The following WDR1 variants were observed in gnomAD, a reference collection of about 807,000 sequenced individuals.
WDR1 encodes the protein WD repeat-containing protein 1.
WDR1 carries 21 observed loss-of-function variants against 71.9 expected under a neutral mutation model. The ratio of observed to expected loss-of-function variants is 0.29; its 90% CI spans 0.21 to 0.42. The LOEUF (loss-of-function observed/expected upper bound fraction) is 0.42, where lower values mean the gene tolerates loss of function less well. WDR1 is among the 10% of genes least tolerant of loss of function. The pLI, the probability that WDR1 is intolerant of heterozygous loss-of-function variation, is 1.00. For missense variants in WDR1, 696 were observed against 824.5 expected, an observed-to-expected ratio of 0.84 and a Z score of 1.91; for synonymous variants, 424 against 347.4, an observed-to-expected ratio of 1.22 and a Z score of -2.45.
At chr4:10,096,568 G>A (rs11726271) in intron 5 of WDR1, 66,050 of 147,842 alleles carry the variant, frequency 0.45, 14,782 homozygotes, top group Admixed American at 0.54. Flanking sequence ...CACTACGAAC[G>A]GGGCATCCTT....
rs987302033 is a variant in WDR1 at position 10,075,170 on chromosome 4, T to G, written c.*208A>C. 4 of 546,656 alleles carry G rather than the reference T, an allele frequency of 7.3e-6. No homozygotes were observed. The highest frequency in any genetic ancestry group is 1.3e-5 in the Non-Finnish European group (4 of 307,508). The allele number at this position is 546,656 out of a possible 1,614,324, so 33.9% of individuals were successfully genotyped here. A position where few individuals can be genotyped will look rare whatever the true frequency, so the allele number is the denominator to read the frequency against. ...CACATTGTTTAGGTGCTCGCTTTAT[T>G]TTTCATGTGCAAACTGTTACTGTCT... On this transcript the variant is annotated 3_prime_UTR_variant, in exon 15 of 15. Transcript: ENST00000499869.
At chr4:10,089,760 C>T (rs985668997) in intron 5 of WDR1, among the ~76,000 whole-genome samples, 2 of 152,210 alleles carry the variant, frequency 1.3e-5, no homozygotes, top group Non-Finnish European at 2.9e-5. Context: ...GGATAAGCTG[C>T]CCCGCGCTCT....
rs1481467978 is a variant in WDR1, at chr4:10,078,942, G to A, written c.1344C>T (p.Pro448=). Residue 448 remains proline (P), a synonymous_variant, in exon 12 of 15, where the codon CCC becomes CCT. Transcript: ENST00000499869. ...CGCCGGGGTGCACTGCCACAACTTC[G>A]GGCTCGTAGCCGGGGTTGTCGATGC... ...CFSIDNPGYE[P]EVVAVHPGGD... 7 of 1,612,778 alleles carry A rather than the reference G, an allele frequency of 4.3e-6. No homozygotes were observed. The highest frequency in any genetic ancestry group is 2.7e-5 in the African/African-American group (2 of 75,014).
chr4:10,079,835 C>T (rs549440040), intron 11 of WDR1, among the ~76,000 whole-genome samples: 1 of 152,344 alleles, frequency 6.6e-6, no homozygotes, highest in Admixed American at 6.5e-5. Flanking sequence ...CCTCTGTCAT[C>T]TGCCCGGCTC....
chr4:10,085,445 C>T (rs1432313914), intron 8 of WDR1, among the ~76,000 whole-genome samples: 2 of 152,206 alleles, frequency 1.3e-5, no homozygotes, highest in African/African-American at 2.4e-5. Flanking sequence ...CATCACATGC[C>T]CCAGTAAGAG....
At chr4:10,089,546 A>C (rs1027395794) in intron 5 of WDR1, among the ~76,000 whole-genome samples, 5 of 152,256 alleles carry the variant, frequency 3.3e-5, no homozygotes, top group Admixed American at 1.3e-4. Flanking sequence ...TCCGCAGTCA[A>C]CAAGAGTTTG....
chr4:10,107,906 C>G (rs1237772997), intron 2 of WDR1, among the ~76,000 whole-genome samples: 2 of 152,176 alleles, frequency 1.3e-5, no homozygotes, highest in African/African-American at 4.8e-5. Flanking sequence ...GAAGCAGAAG[C>G]TTTGGACTTG....
At chr4:10,111,882 T>C (rs1713390044) in intron 2 of WDR1, among the ~76,000 whole-genome samples, 1 of 149,070 alleles carries the variant, frequency 6.7e-6, no homozygotes, top group Admixed American at 6.7e-5. Context: ...CAAATTGCTA[T>C]AAACCTTGCA....
chr4:10,078,984 A>C lies in WDR1; in HGVS notation c.1302T>G (p.Asp434Glu). 2 of 1,608,642 alleles carry C rather than the reference A, an allele frequency of 1.2e-6. No individual in the cohort carries two copies. The highest frequency in any genetic ancestry group is 1.7e-6 in the Non-Finnish European group (2 of 1,176,900). ...VCIGQIVLLK[D>E]QRKCFSIDNP... ...TGTCGATGCTGAAGCACTTCCTCTG[A>C]TCCTTCAGCAGGACAATCTGTGGCA... Residue 434 changes from aspartate (D) to glutamate (E), a missense_variant, in exon 12 of 15, where the codon GAT (aspartate) becomes GAG (glutamate). Asp to Glu is a conservative substitution (Grantham distance 45, BLOSUM62 2). Coordinates refer to ENST00000499869, the MANE Select transcript of WDR1 (RefSeq NM_017491.5).
chr4:10,077,885 C>T lies in WDR1; in HGVS notation c.1437G>A (p.Leu479=). 1 of 1,611,418 alleles carries T rather than the reference C, an allele frequency of 6.2e-7. No homozygotes were observed. Among genetic ancestry groups the T allele is most frequent in the Non-Finnish European group, 8.5e-7 (1 of 1,178,796 alleles). ...CCTCTAGGAGCTTGCCCTCATCCTT[C>T]AGCGTGGTGCCCAGGATGGAATACA... ...VRLYSILGTT[L]KDEGKLLEAK... The change falls in exon 13 of 15, where the codon CTG becomes CTA. Residue 479 remains leucine, a synonymous_variant. Coordinates refer to ENST00000499869, the MANE Select transcript of WDR1 (RefSeq NM_017491.5).
intron 5 of WDR1, among the ~76,000 whole-genome samples, chr4:10,090,447 C>T (rs1394467075): frequency 6.6e-6 from 1 of 152,218 alleles, no homozygotes; most frequent in Non-Finnish European, 1.5e-5. Context: ...CTGGCAATGT[C>T]CCCAGGGCAG....
At chr4:10,108,063 C>CG (rs569069810) in intron 2 of WDR1, among the ~76,000 whole-genome samples, 160 of 152,322 alleles carry the variant, frequency 1.1e-3, no homozygotes, top group African/African-American at 3.8e-3. Context: ...TACTCCCCCC[C>CG]GGCACCTGTA....
At chr4:10,104,476 C>T (rs1712902154) in intron 2 of WDR1, among the ~76,000 whole-genome samples, 1 of 152,222 alleles carries the variant, frequency 6.6e-6, no homozygotes, top group South Asian at 2.1e-4. Context: ...GCAGGACACG[C>T]TGTGGGAGCC....
intron 10 of WDR1, among the ~76,000 whole-genome samples, chr4:10,081,665 G>GGC (rs1765019101): frequency 3.1e-5 from 2 of 63,982 alleles, no homozygotes; most frequent in Admixed American, 1.8e-4. Context: ...GGGAGGGGTG[G>GGC]GGGGGGGGGA....
intron 14 of WDR1, 115 bp downstream of exon 14, chr4:10,077,189 A>G (rs1764832129): frequency 1.5e-6 from 2 of 1,374,406 alleles, no homozygotes; most frequent in South Asian, 2.8e-5. Flanking sequence ...CCACCTGTCT[A>G]GAAGCACAGA....
In WDR1 at chr4:10,099,150, C is replaced by T. The variant is rs1315618044; in HGVS notation, c.230-11G>A. On this transcript the variant is annotated splice_polypyrimidine_tract_variant and intron_variant, in intron 3 of 14. Coordinates refer to ENST00000499869, the MANE Select transcript of WDR1 (RefSeq NM_017491.5). ...GCTTCCCAGACACATCTGTGGGGCACAGCGGGCGGGGGAGGGGGGGAGGCG... is the reference window on the plus strand; with the variant it reads ...GCTTCCCAGACACATCTGTGGGGCATAGCGGGCGGGGGAGGGGGGGAGGCG... The T allele has an allele frequency of 8.4e-7, 1 of 1,188,384 alleles. No homozygotes were observed. The highest frequency in any genetic ancestry group is 2.5e-5 in the Admixed American group (1 of 39,722). The allele number at this position is 1,188,384 out of a possible 1,614,324, so 73.6% of individuals were successfully genotyped here.
intron 5 of WDR1, among the ~76,000 whole-genome samples, chr4:10,094,341 C>G (rs557271786): frequency 6.6e-6 from 1 of 152,180 alleles, no homozygotes; most frequent in East Asian, 1.9e-4. Context: ...CTCACCCGAC[C>G]GGAGGAAGCG....
At chr4:10,088,796 C>T (rs1009682404) in intron 5 of WDR1, 55 bp from the exon 6 acceptor site, 2 of 1,328,526 alleles carry the variant, frequency 1.5e-6, no homozygotes, top group African/African-American at 2.9e-5. Context: ...ACTCTAGGTT[C>T]AAGAATGCTC....
intron 11 of WDR1, 128 bp from the exon 12 acceptor site, chr4:10,079,129 A>C: frequency 1.5e-6 from 1 of 659,898 alleles, no homozygotes. Context: ...ACCTCTTTGC[A>C]GGGCCACCTG....
Sources: allele counts gnomAD v4.1 joint callset (sites outside exome capture counted in the v4.1 genomes callset), GRCh38; gene constraint gnomAD v4.1.1; transcripts MANE v1.5; gene names NCBI Gene and HGNC (gene_info 2026-07-23, HGNC 2026-07-21).